ANKFY1: variants seen among roughly 807,000 people sequenced by gnomAD.
ANKFY1 encodes ankyrin repeat and FYVE domain containing 1.
A neutral mutation model predicts 128.3 loss-of-function variants in ANKFY1; 47 were observed. The observed-to-expected ratio is 0.37, with a 90% confidence interval of 0.29 to 0.47. The LOEUF (loss-of-function observed/expected upper bound fraction) is 0.47. Ranked by LOEUF, ANKFY1 falls within the 20% of genes least tolerant of loss-of-function variation. ANKFY1 has a pLI of 1.00. For synonymous variants in ANKFY1, 553 were observed against 601.6 expected, an observed-to-expected ratio of 0.92 and a Z score of 1.18; for missense variants, 1,222 against 1,510.6, an observed-to-expected ratio of 0.81 and a Z score of 3.17.
intron 16 of ANKFY1, chr17:4,180,917 G>A (rs1207324918): frequency 2.7e-5 from 6 of 221,616 alleles, no homozygotes; most frequent in Non-Finnish European, 5.4e-5. Flanking sequence ...ATCGTGGTGG[G>A]GTCCTGCAGA....
intron 3 of ANKFY1, 22 bp downstream of exon 3, chr17:4,235,750 C>T: frequency 6.3e-7 from 1 of 1,576,450 alleles, no homozygotes; most frequent in Non-Finnish European, 8.7e-7. Flanking sequence ...AGTTTTGTGT[C>T]CCTGATCACT....
intron 1 of ANKFY1, among the ~76,000 whole-genome samples, chr17:4,255,649 A>G (rs1235454942): frequency 2.0e-5 from 3 of 152,178 alleles, no homozygotes; most frequent in Non-Finnish European, 2.9e-5. Flanking sequence ...CTGTGATAAC[A>G]TTCTATTTGG....
intron 1 of ANKFY1, among the ~76,000 whole-genome samples, chr17:4,262,971 GA>G (rs1310766962): frequency 6.6e-6 from 1 of 152,128 alleles, no homozygotes; most frequent in South Asian, 2.1e-4. Flanking sequence ...AAACCAACAG[GA>G]AAGGTCGTGG....
intron 3 of ANKFY1, among the ~76,000 whole-genome samples, chr17:4,224,592 G>T (rs1197502310): frequency 1.3e-5 from 2 of 151,862 alleles, no homozygotes; most frequent in Non-Finnish European, 2.9e-5. Context: ...AAAATTTAAA[G>T]AAAAGCTAGA....
At chr17:4,220,394 A>G (rs1406521487) in intron 3 of ANKFY1, among the ~76,000 whole-genome samples, 1 of 152,120 alleles carries the variant, frequency 6.6e-6, no homozygotes, top group Non-Finnish European at 1.5e-5. Flanking sequence ...CTAGACTCAC[A>G]TGGCCTGATC....
intron 17 of ANKFY1, chr17:4,179,449 G>A (rs896917043): frequency 3.3e-5 from 18 of 542,458 alleles, no homozygotes; most frequent in South Asian, 1.7e-4. Context: ...TACAGTATGC[G>A]ATTTGGGACT....
Position 4,195,073 on chromosome 17 carries a change from A to C in ANKFY1, c.1277T>G (p.Val426Gly). The stretch of plus-strand genomic sequence containing the variant: ...AAATGAAGTCCCATTTACCACGGGG[A>C]CATCTTCGAAGGGGTTCACAGACTG... ...SDQSVNPFED[V>G]PVVNGTSFDE... Residue 426 changes from valine (V) to glycine (G), a missense_variant, in exon 10 of 25, where the codon GTC (valine) becomes GGC (glycine). By Grantham distance (109) the Val-to-Gly change is moderately radical. Transcript: ENST00000341657. The C allele has an allele frequency of 6.2e-7, 1 of 1,614,192 alleles. No individual in the cohort carries two copies. Among genetic ancestry groups the C allele is most frequent in the Non-Finnish European group, 8.5e-7 (1 of 1,180,040 alleles).
chr17:4,255,675 A>AT (rs1393938254), intron 1 of ANKFY1, among the ~76,000 whole-genome samples: 1 of 152,202 alleles, frequency 6.6e-6, no homozygotes, highest in Admixed American at 6.5e-5. Flanking sequence ...TACAAGAATA[A>AT]TTTTTTGTTC....
chr17:4,176,924 C>T (rs2059420192), intron 19 of ANKFY1, among the ~76,000 whole-genome samples: 1 of 152,234 alleles, frequency 6.6e-6, no homozygotes, highest in Non-Finnish European at 1.5e-5. Flanking sequence ...CCCCATCTAG[C>T]ATCTGGCAGC....
At chr17:4,250,516 T>A (rs1410935043) in intron 1 of ANKFY1, among the ~76,000 whole-genome samples, 1 of 152,104 alleles carries the variant, frequency 6.6e-6, no homozygotes, top group Non-Finnish European at 1.5e-5. Flanking sequence ...GCAACCTAAA[T>A]AAACAGAGAG....
chr17:4,182,061 C>G, intron 15 of ANKFY1, 120 bp downstream of exon 15: 2 of 1,057,908 alleles, frequency 1.9e-6, no homozygotes, highest in Non-Finnish European at 2.5e-6. Flanking sequence ...ACTGCTTGTC[C>G]TTGTCCCACT....
intron 10 of ANKFY1, chr17:4,194,742 G>A (rs967602012): frequency 2.3e-5 from 12 of 519,980 alleles, no homozygotes; most frequent in Middle Eastern, 5.2e-4. Context: ...TCTGCGAGTC[G>A]CCGCATTAAA....
At chr17:4,183,188 CAA>C (rs1236391478) in intron 14 of ANKFY1, among the ~76,000 whole-genome samples, 2 of 152,202 alleles carry the variant, frequency 1.3e-5, no homozygotes, top group Non-Finnish European at 2.9e-5. Flanking sequence ...AAGGTTCAAA[CAA>C]GAGCAAAGGA....
At chr17:4,241,340 C>T (rs1967210236) in intron 2 of ANKFY1, among the ~76,000 whole-genome samples, 1 of 140,730 alleles carries the variant, frequency 7.1e-6, no homozygotes, top group South Asian at 2.2e-4. Flanking sequence ...AGTGTAGTGG[C>T]ACAATCTCAG....
At chr17:4,171,870 G>A (rs1447801886) in intron 22 of ANKFY1, among the ~76,000 whole-genome samples, 2 of 152,238 alleles carry the variant, frequency 1.3e-5, no homozygotes, top group Non-Finnish European at 2.9e-5. Context: ...GAGTGAATGG[G>A]AATGCAGCAG....
intron 21 of ANKFY1, among the ~76,000 whole-genome samples, chr17:4,173,138 G>A (rs1281457113): frequency 2.6e-5 from 4 of 152,256 alleles, no homozygotes; most frequent in East Asian, 1.9e-4. Flanking sequence ...TTACAGGCGC[G>A]AGCCACTGCG....
intron 10 of ANKFY1, among the ~76,000 whole-genome samples, chr17:4,194,101 A>AT (rs1470223065): frequency 7.9e-4 from 74 of 93,306 alleles, no homozygotes; most frequent in African/African-American, 3.5e-3. Flanking sequence ...ATATATATAT[A>AT]TATTTTTTTT....
chr17:4,213,719 G>A (rs767313385), intron 4 of ANKFY1, among the ~76,000 whole-genome samples: 1 of 151,728 alleles, frequency 6.6e-6, no homozygotes, highest in Non-Finnish European at 1.5e-5. Flanking sequence ...GACTAAAAGC[G>A]CCTGCCACCA....
Position 4,179,037 on chromosome 17 carries a change from G to A in ANKFY1, c.2418C>T (p.Pro806=). 1 of 1,614,160 alleles carries A rather than the reference G, an allele frequency of 6.2e-7. No homozygotes were observed. The highest frequency in any genetic ancestry group is 8.5e-7 in the Non-Finnish European group (1 of 1,180,032). Residue 806 remains proline, a synonymous_variant, in exon 18 of 25, where the codon CCC becomes CCT. Coordinates refer to ENST00000341657, the MANE Select transcript of ANKFY1 (RefSeq NM_001330063.2). ...VNAQDAEGRT[P]IHVAISSQHG... ...GTTGGCTGCTGATGGCCACGTGGAT[G>A]GGGGTTCTTCCTTCTGCATCCTATG...
Sources: gnomAD v4.1 joint callset for allele counts (sites outside exome capture counted in the v4.1 genomes callset) on GRCh38, gnomAD v4.1.1 for gene constraint, MANE v1.5 for transcripts, NCBI Gene and HGNC (gene_info 2026-07-23, HGNC 2026-07-21) for gene names.